GALNT3: variants seen among roughly 807,000 people sequenced by gnomAD.
GALNT3 encodes GalNAc transferase 3.
Under a neutral mutation model 69.8 loss-of-function variants are expected in GALNT3, and 51 were observed. The ratio of observed to expected loss-of-function variants is 0.73; its 90% CI spans 0.58 to 0.92. GALNT3 has a LOEUF of 0.92. Among genes scored for constraint, GALNT3 ranks in the 40% least tolerant of loss-of-function variants. The probability of loss-of-function intolerance (pLI) is 0.00; values close to 1 mark genes in which losing one functional copy is unlikely to be tolerated. For synonymous variants in GALNT3, 265 were observed against 248.5 expected, an observed-to-expected ratio of 1.07 and a Z score of -0.63; for missense variants, 711 against 760.0, an observed-to-expected ratio of 0.94 and a Z score of 0.76.
At chr2:165,756,588 A>G (rs909193796) in intron 7 of GALNT3, among the ~76,000 whole-genome samples, 2 of 152,096 alleles carry the variant, frequency 1.3e-5, no homozygotes, top group African/African-American at 4.8e-5. Context: ...TTACATTCTC[A>G]AAGGCTTTGC....
At chr2:165,757,771 A>G (rs1323212582) in intron 6 of GALNT3, among the ~76,000 whole-genome samples, 4 of 152,204 alleles carry the variant, frequency 2.6e-5, no homozygotes, top group Non-Finnish European at 5.9e-5. Flanking sequence ...GTAGAGGATG[A>G]TTATTTAAAA....
At chr2:165,782,943 C>T (rs182981027) in intron 1 of GALNT3, among the ~76,000 whole-genome samples, 21 of 152,252 alleles carry the variant, frequency 1.4e-4, no homozygotes, top group African/African-American at 3.8e-4. Context: ...GTACTGCTTA[C>T]GTATTTCATT....
upstream of GALNT3, chr2:165,794,315 C>G (rs1434374418): frequency 1.3e-5 from 2 of 152,470 alleles, no homozygotes; most frequent in Non-Finnish European, 2.9e-5. Flanking sequence ...CCGCCCCGCC[C>G]CAGCCCTACC....
chr2:165,760,022 A>G (rs1688516516), intron 4 of GALNT3, among the ~76,000 whole-genome samples: 1 of 152,178 alleles, frequency 6.6e-6, no homozygotes, highest in South Asian at 2.1e-4. Context: ...AAGATTCACT[A>G]CAGTTAGAAA....
rs192152115 is a variant in GALNT3 at position 165,764,813 on chromosome 2, C to A, written c.688+71G>T. On this transcript the variant is annotated intron_variant, in intron 3 of 10. Coordinates refer to ENST00000392701, the MANE Select transcript of GALNT3 (RefSeq NM_004482.4). ...CTGAGATGGCATACAGAGAGTACCA[C>A]ATAACCAAGTAGACTGTAGATACCA... 4.9e-4 allele frequency: 737 copies of A among 1,494,594 alleles called. 5 individuals carry two copies. The highest frequency in any genetic ancestry group is 8.6e-5 in the Non-Finnish European group (92 of 1,071,464). The allele number at this position is 1,494,594 out of a possible 1,614,324, so 92.6% of individuals were successfully genotyped here. A position where few individuals can be genotyped will look rare whatever the true frequency, so the allele number is the denominator to read the frequency against.
chr2:165,788,935 T>C (rs1019774868), intron 1 of GALNT3, among the ~76,000 whole-genome samples: 9 of 152,164 alleles, frequency 5.9e-5, no homozygotes, highest in Admixed American at 2.6e-4. Flanking sequence ...AAGATCATCC[T>C]CATCCTCCAG....
chr2:165,782,112 A>G (rs1294899540), intron 1 of GALNT3, among the ~76,000 whole-genome samples: 4 of 152,176 alleles, frequency 2.6e-5, no homozygotes, highest in African/African-American at 9.7e-5. Flanking sequence ...GGGATGTGAT[A>G]GATATCACAA....
At chr2:165,768,547 G>A (rs921309600) in intron 2 of GALNT3, among the ~76,000 whole-genome samples, 3 of 152,066 alleles carry the variant, frequency 2.0e-5, no homozygotes, top group South Asian at 4.1e-4. Context: ...TAAAAATTAT[G>A]AGCAACCTAA....
At chr2:165,792,301 A>C (rs1357538703) in intron 1 of GALNT3, among the ~76,000 whole-genome samples, 1 of 152,220 alleles carries the variant, frequency 6.6e-6, no homozygotes, top group Non-Finnish European at 1.5e-5. Flanking sequence ...TACATTTCTC[A>C]CTAGAGGTTA....
chr2:165,762,076 G>A, intron 3 of GALNT3, 22 bp from the exon 4 acceptor site: 1 of 1,487,934 alleles, frequency 6.7e-7, no homozygotes, highest in Non-Finnish European at 9.4e-7. Context: ...AAAAATCAGG[G>A]TTAATTCTTT....
At chr2:165,769,792 A>T (rs1033842399) in intron 2 of GALNT3, among the ~76,000 whole-genome samples, 1 of 152,236 alleles carries the variant, frequency 6.6e-6, no homozygotes, top group Non-Finnish European at 1.5e-5. Flanking sequence ...ATGTTTTTAA[A>T]CATTTTTATT....
chr2:165,765,734 C>T (rs1029812435), intron 2 of GALNT3, among the ~76,000 whole-genome samples: 3 of 152,036 alleles, frequency 2.0e-5, no homozygotes, highest in African/African-American at 7.2e-5. Flanking sequence ...GTGATCCACC[C>T]GCCTAGGCCT....
chr2:165,770,599 CA>C lies in GALNT3; in HGVS notation c.101del (p.Leu34TrpfsTer3). The C allele has an allele frequency of 6.2e-7, 1 of 1,607,060 alleles. No individual in the cohort carries two copies. The highest frequency in any genetic ancestry group is 8.5e-7 in the Non-Finnish European group (1 of 1,176,904). On this transcript the variant is annotated frameshift_variant, in exon 2 of 11. Coordinates refer to ENST00000392701, the MANE Select transcript of GALNT3 (RefSeq NM_004482.4). LOFTEE classifies it high-confidence loss of function. Reference sequence around the variant, plus strand: ...CACTTACTTCTCTTTGCATTAAAACCAAAACTATTATAAAGAAAAAAATTAC... The same window carrying C: ...CACTTACTTCTCTTTGCATTAAAACCAAACTATTATAAAGAAAAAAATTAC... ...GAVIFFFIIVLVLMQREVSVQ... is the reference protein window; with the variant it reads ...GAVIFFFIIVXVLMQREVSVQ...
intron 1 of GALNT3, among the ~76,000 whole-genome samples, chr2:165,778,373 G>A (rs1442351485): frequency 1.3e-5 from 2 of 152,194 alleles, no homozygotes; most frequent in African/African-American, 2.4e-5. Context: ...TATTTACCTT[G>A]TAAACATAGT....
intron 2 of GALNT3, among the ~76,000 whole-genome samples, chr2:165,768,315 G>A (rs1220557398): frequency 1.3e-5 from 2 of 152,034 alleles, no homozygotes; most frequent in African/African-American, 4.8e-5. Context: ...GCTATATTGG[G>A]AGAAAAAAGC....
chr2:165,793,626 T>A (rs1683400336), intron 1 of GALNT3: 1 of 152,426 alleles, frequency 6.6e-6, no homozygotes, highest in Middle Eastern at 3.4e-3. Context: ...ACAGGCAACC[T>A]GCTAGCCGGA....
At chr2:165,752,455 C>T (rs150691003) in intron 9 of GALNT3, among the ~76,000 whole-genome samples, 3 of 152,108 alleles carry the variant, frequency 2.0e-5, no homozygotes, top group East Asian at 1.9e-4. Context: ...CTTTTTACTA[C>T]GGTAACAGTC....
chr2:165,791,965 T>G (rs1479798214), intron 1 of GALNT3, among the ~76,000 whole-genome samples: 1 of 152,064 alleles, frequency 6.6e-6, no homozygotes, highest in Non-Finnish European at 1.5e-5. Flanking sequence ...ACAAATTATA[T>G]GAAAGAAAAA....
intron 2 of GALNT3, among the ~76,000 whole-genome samples, 169 bp from the exon 3 acceptor site, chr2:165,765,225 AT>A (rs535380730): frequency 2.0e-5 from 3 of 152,266 alleles, no homozygotes; most frequent in South Asian, 2.1e-4. Flanking sequence ...AATCAAAACA[AT>A]TTTTTTACAA....
Sources: gnomAD v4.1 joint callset for allele counts (sites outside exome capture counted in the v4.1 genomes callset) on GRCh38, gnomAD v4.1.1 for gene constraint, MANE v1.5 for transcripts, NCBI Gene and HGNC (gene_info 2026-07-23, HGNC 2026-07-21) for gene names.